ANKRD36: variants seen among roughly 807,000 people sequenced by gnomAD.
ANKRD36 encodes the protein ankyrin repeat domain-containing protein 36A.
ANKRD36 carries 179 observed loss-of-function variants against 278.1 expected under a neutral mutation model. That is an observed-to-expected ratio of 0.64 (90% CI 0.57 to 0.73). The LOEUF (loss-of-function observed/expected upper bound fraction) is 0.73, where lower values mean the gene tolerates loss of function less well. Among genes scored for constraint, ANKRD36 ranks in the 30% least tolerant of loss-of-function variants. ANKRD36 has a pLI of 0.00. For missense variants in ANKRD36, 1,159 were observed against 1,956.7 expected, an observed-to-expected ratio of 0.59 and a Z score of 7.69; for synonymous variants, 320 against 641.1, an observed-to-expected ratio of 0.50 and a Z score of 7.57.
intron 22 of ANKRD36, among the ~76,000 whole-genome samples, chr2:97,173,965 A>G (rs535362098): frequency 2.7e-5 from 4 of 148,558 alleles, no homozygotes; most frequent in Admixed American, 1.4e-4. Flanking sequence ...AACTAGATTT[A>G]AAAAAAAAAG....
chr2:97,231,954 T>A (rs1272702754), intron 67 of ANKRD36, among the ~76,000 whole-genome samples: 1 of 152,082 alleles, frequency 6.6e-6, no homozygotes, highest in Non-Finnish European at 1.5e-5. Flanking sequence ...ACAAGTCATC[T>A]CCTAATTCAT....
chr2:97,194,466 T>C (rs1191938586), intron 38 of ANKRD36, among the ~76,000 whole-genome samples: 1 of 151,614 alleles, frequency 6.6e-6, no homozygotes, highest in Non-Finnish European at 1.5e-5. Flanking sequence ...CACATTGGGA[T>C]TGACACGGTT....
chr2:97,183,760 C>T, intron 28 of ANKRD36, 106 bp downstream of exon 28: 1 of 1,388,188 alleles, frequency 7.2e-7, no homozygotes, highest in Non-Finnish European at 9.8e-7. Flanking sequence ...CTTTCTGATT[C>T]AGCAGGCCTG....
At chr2:97,186,521 T>A (rs1434920159) in intron 30 of ANKRD36, among the ~76,000 whole-genome samples, 1 of 150,678 alleles carries the variant, frequency 6.6e-6, no homozygotes, top group East Asian at 2.0e-4. Flanking sequence ...GGTTTATATA[T>A]TATACTTTGT....
intron 66 of ANKRD36, among the ~76,000 whole-genome samples, chr2:97,222,224 C>G (rs1194580574): frequency 6.6e-6 from 1 of 151,840 alleles, no homozygotes; most frequent in African/African-American, 2.4e-5. Context: ...ATGCCTCCAG[C>G]TTTGTTCTTT....
intron 32 of ANKRD36, among the ~76,000 whole-genome samples, chr2:97,188,780 G>A (rs2057969962): frequency 1.0e-5 from 1 of 98,944 alleles, no homozygotes; most frequent in African/African-American, 2.5e-5. Context: ...TTGCTCCTCT[G>A]ATTTTAGATC....
At chr2:97,220,051 CTGTGTGTGTGTGTGTGTGTGTG>C (rs71274689) in intron 66 of ANKRD36, among the ~76,000 whole-genome samples, 73 of 111,272 alleles carry the variant, frequency 6.6e-4, no homozygotes, top group African/African-American at 3.6e-3. Flanking sequence ...GATTAGCACA[CTGTGTGTGTGTGTGTGTGTGTG>C]TGTGTGTGTG....
intron 42 of ANKRD36, among the ~76,000 whole-genome samples, 184 bp downstream of exon 42, chr2:97,196,972 G>T (rs374910387): frequency 1.3e-5 from 2 of 151,896 alleles, no homozygotes; most frequent in Non-Finnish European, 2.9e-5. Flanking sequence ...GATCTTCGCC[G>T]TAAGATTATA....
intron 22 of ANKRD36, among the ~76,000 whole-genome samples, chr2:97,168,503 A>C (rs1462755136): frequency 6.6e-6 from 1 of 152,304 alleles, no homozygotes; most frequent in African/African-American, 2.4e-5. Flanking sequence ...CATGTGAAGA[A>C]CATGCAGGTT....
intron 26 of ANKRD36, among the ~76,000 whole-genome samples, chr2:97,182,926 G>C (rs1313728321): frequency 6.6e-6 from 1 of 151,598 alleles, no homozygotes; most frequent in African/African-American, 2.4e-5. Flanking sequence ...CTATATCCAA[G>C]CTGTTGAGGC....
chr2:97,133,761 CTTTAT>C lies in ANKRD36; in HGVS notation c.799+6632_799+6636del, dbSNP rs536472138. Among the ~76,000 whole-genome samples, 301 of 152,020 alleles carry C rather than the reference CTTTAT, an allele frequency of 2.0e-3. 1 individual carries two copies. The highest frequency in any genetic ancestry group is 6.9e-3 in the African/African-American group (288 of 41,514). On this transcript the variant is annotated intron_variant, in intron 6 of 75. Coordinates refer to ENST00000420699, the MANE Select transcript of ANKRD36 (RefSeq NM_001354587.1). ...GAAAATCTTTTTAAAAAATTAATAACTTTATTTTAAGAGCAGTTTTATATTCTCAG... is the reference window on the plus strand; with the variant it reads ...GAAAATCTTTTTAAAAAATTAATAACTTTAAGAGCAGTTTTATATTCTCAG...
At chr2:97,157,391 T>A (rs2047747680) in intron 15 of ANKRD36, among the ~76,000 whole-genome samples, 1 of 150,680 alleles carries the variant, frequency 6.6e-6, no homozygotes, top group Non-Finnish European at 1.5e-5. Flanking sequence ...CCTTCCCCTT[T>A]GTTTAAAAAT....
At chr2:97,240,982 G>GTGTTT (rs2074243475) in intron 68 of ANKRD36, among the ~76,000 whole-genome samples, 2 of 52,986 alleles carry the variant, frequency 3.8e-5, no homozygotes, top group Non-Finnish European at 6.5e-5. Flanking sequence ...ACATAACTAT[G>GTGTTT]TTTTTTTTTT....
intron 11 of ANKRD36, 77 bp from the exon 12 acceptor site, chr2:97,149,218 C>T (rs2045234371): frequency 1.3e-5 from 16 of 1,200,610 alleles, no homozygotes; most frequent in South Asian, 7.9e-5. Context: ...AGTGGACATA[C>T]GTGTATAGAC....
Position 97,154,916 on chromosome 2 carries a change from T to C in ANKRD36, c.1260+175T>C, listed in dbSNP as rs1176156106. On this transcript the variant is annotated intron_variant, in intron 15 of 75. Coordinates refer to ENST00000420699, the MANE Select transcript of ANKRD36 (RefSeq NM_001354587.1). ...AATAGGGGGGGTTAATTTTAATTTT[T>C]TTTTACTTTGCAAATAAGAAATAGT... 1.4e-5 allele frequency among the ~76,000 whole-genome samples: 2 copies of C among 145,144 alleles called. 1 individual carries two copies. The highest frequency in any genetic ancestry group is 1.4e-4 in the Admixed American group (2 of 14,662).
At chr2:97,156,181 G>C (rs1486530492) in intron 15 of ANKRD36, among the ~76,000 whole-genome samples, 2 of 144,408 alleles carry the variant, frequency 1.4e-5, no homozygotes, top group Non-Finnish European at 3.1e-5. Flanking sequence ...CCCCAACCAT[G>C]TTCTATTAAA....
At chr2:97,181,816 A>G (rs776242943) in intron 26 of ANKRD36, 23 bp downstream of exon 26, 5 of 1,600,678 alleles carry the variant, frequency 3.1e-6, no homozygotes, top group Admixed American at 1.7e-5. Context: ...AACACATTTA[A>G]TGTCATGTTC....
intron 6 of ANKRD36, among the ~76,000 whole-genome samples, chr2:97,134,909 T>C (rs1197644388): frequency 6.6e-6 from 1 of 152,070 alleles, no homozygotes; most frequent in East Asian, 1.9e-4. Context: ...TGTGTGTTTT[T>C]TTGAAGGAGC....
chr2:97,209,203 C>G (rs1405870721), intron 54 of ANKRD36, among the ~76,000 whole-genome samples: 2 of 146,566 alleles, frequency 1.4e-5, no homozygotes, highest in Non-Finnish European at 3.0e-5. Flanking sequence ...GTACTTTCAA[C>G]TGGAGTGTCA....
Sources: gnomAD v4.1 joint callset for allele counts (sites outside exome capture counted in the v4.1 genomes callset) on GRCh38, gnomAD v4.1.1 for gene constraint, MANE v1.5 for transcripts, NCBI Gene and HGNC (gene_info 2026-07-23, HGNC 2026-07-21) for gene names.